MACF1: variants seen among roughly 807,000 people sequenced by gnomAD.
MACF1 encodes microtubule actin crosslinking factor 1, also known as microtubule-actin cross-linking factor 1.
MACF1 carries 193 observed loss-of-function variants against 854.8 expected under a neutral mutation model. The ratio of observed to expected loss-of-function variants is 0.23; its 90% CI spans 0.20 to 0.25. MACF1 has a LOEUF of 0.25. MACF1 is among the 10% of genes least tolerant of loss of function. The pLI, the probability that MACF1 is intolerant of heterozygous loss-of-function variation, is 1.00. For missense variants in MACF1, 7,722 were observed against 8,929.1 expected (o/e 0.86, Z 5.45); for synonymous variants, 3,185 against 3,226.7 (o/e 0.99, Z 0.44).
chr1:39,269,805 T>G (rs1268691296), intron 6 of MACF1: 27 of 1,115,588 alleles, frequency 2.4e-5, no homozygotes, highest in Non-Finnish European at 3.0e-5. Context: ...TGGTGAGCAG[T>G]GAGGATGTTG....
At position 39,334,451 on chromosome 1, in the gene MACF1, C is replaced by T. The variant is rs111708127; in HGVS notation, c.7863C>T (p.Pro2621=). Residue 2621 remains proline, a synonymous_variant, in exon 37 of 101, where the codon CCC becomes CCT. Coordinates refer to ENST00000564288, the MANE Select transcript of MACF1 (RefSeq NM_001394062.1). ...SPGMMHGIVD[P]ENCRIVPYSE... ...GAATGATGCATGGCATTGTAGATCC[C>T]GAGAACTGCAGAATTGTCCCCTACT... 1.0e-3 allele frequency: 1,652 copies of T among 1,613,926 alleles called. 17 individuals are homozygous for T. The African/African-American group carries it at 0.018, about 18-fold the overall frequency.
chr1:39,252,974 C>T (rs191819590), intron 4 of MACF1, among the ~76,000 whole-genome samples: 2 of 152,290 alleles, frequency 1.3e-5, no homozygotes, highest in Non-Finnish European at 2.9e-5. Flanking sequence ...TCTGCAGACA[C>T]CCGCAACAGA....
In MACF1 at chr1:39,334,738, T is replaced by A. The variant is rs1298571966; in HGVS notation, c.8150T>A (p.Met2717Lys). The change falls in exon 37 of 101, where the codon ATG (methionine) becomes AAG (lysine). Residue 2717 changes from methionine (M) to lysine (K), a missense_variant. Physicochemically the swap from Met to Lys is moderately conservative, Grantham distance 95 (BLOSUM62 -1). This residue lies in a region of MACF1 where 1,531 missense variants were observed against 1,601.6 expected (regional missense o/e 0.96). Transcript: ENST00000564288. ...ALEEKLVDEN[M>K]VRIIASHQVL... is the part of the protein sequence containing the mutation. ...GAAGAGAAACTGGTGGATGAAAACA[T>A]GGTCAGAATTATTGCATCTCATCAG... 2 of 1,614,004 alleles carry A rather than the reference T, an allele frequency of 1.2e-6. No homozygotes were observed. Among genetic ancestry groups the A allele is most frequent in the Non-Finnish European group, 1.7e-6 (2 of 1,180,022 alleles).
intron 80 of MACF1, 63 bp downstream of exon 80, chr1:39,444,898 A>C (rs991376327): frequency 7.0e-7 from 1 of 1,424,536 alleles, no homozygotes; most frequent in Non-Finnish European, 9.5e-7. Flanking sequence ...AATAATTGCC[A>C]TCTTATTTAT....
chr1:39,102,666 G>A, intron 2 of MACF1: 1 of 671,428 alleles, frequency 1.5e-6, no homozygotes, highest in Admixed American at 2.2e-5. Flanking sequence ...AGGATAAAGG[G>A]CATTAATTTC....
intron 2 of MACF1, among the ~76,000 whole-genome samples, chr1:39,180,507 C>T (rs1350279004): frequency 2.6e-5 from 4 of 151,856 alleles, no homozygotes; most frequent in Non-Finnish European, 5.9e-5. Flanking sequence ...TTCCAGCTAC[C>T]GGGGAGGCTG....
rs750958736 is a variant in MACF1, at chr1:39,335,934, G to C, written c.9346G>C (p.Glu3116Gln). ...TPRPEGLHYQ[E>Q]SDGKAQVTGP... ...AAGACCTGAAGGATTGCACTACCAG[G>C]AATCAGATGGAAAAGCCCAAGTGAC... The change falls in exon 37 of 101, where the codon GAA becomes CAA. Residue 3116 changes from glutamate to glutamine, a missense_variant. By Grantham distance (29) the Glu-to-Gln change is conservative (BLOSUM62 2). This residue lies in a region of MACF1 where 854 missense variants were observed against 852.6 expected (regional missense o/e 1.00). Transcript: ENST00000564288. The C allele has an allele frequency of 8.7e-6, 14 of 1,613,962 alleles. No individual in the cohort carries two copies. In the African/African-American group the frequency reaches 1.6e-4, roughly 18 times the overall value.
intron 99 of MACF1, 59 bp downstream of exon 99, chr1:39,481,089 T>G (rs1464770560): frequency 1.9e-6 from 2 of 1,026,056 alleles, no homozygotes; most frequent in Non-Finnish European, 3.0e-6. Flanking sequence ...GCTACTGGAC[T>G]TGACCAGCTC....
At chr1:39,309,303 G>A (rs140746926) in intron 23 of MACF1, among the ~76,000 whole-genome samples, 3 of 150,038 alleles carry the variant, frequency 2.0e-5, no homozygotes, top group Non-Finnish European at 4.4e-5. Flanking sequence ...TCACTATGTC[G>A]CCCAGGCTGC....
chr1:39,145,381 T>C (rs888769959), intron 2 of MACF1, among the ~76,000 whole-genome samples: 2 of 152,166 alleles, frequency 1.3e-5, no homozygotes, highest in African/African-American at 4.8e-5. Context: ...CAGAGGCAGG[T>C]CTCTGGGCAT....
chr1:39,436,097 T>C (rs1008279437), intron 70 of MACF1: 6 of 403,180 alleles, frequency 1.5e-5, no homozygotes, highest in East Asian at 4.4e-5. Context: ...AAAGTACTTA[T>C]TGAACCTGTT....
chr1:39,407,406 G>A (rs554691853), intron 58 of MACF1, among the ~76,000 whole-genome samples: 3 of 152,268 alleles, frequency 2.0e-5, no homozygotes, highest in Admixed American at 6.5e-5. Flanking sequence ...GGCAGTATAC[G>A]ACCAAGAGGA....
intron 2 of MACF1, among the ~76,000 whole-genome samples, chr1:39,197,957 G>A (rs144940550): frequency 1.8e-3 from 270 of 152,218 alleles, no homozygotes; most frequent in East Asian, 0.017. Flanking sequence ...CTGCACTTTG[G>A]TAGGCTGAGG....
chr1:39,429,196 T>G, intron 63 of MACF1, 46 bp from the exon 64 acceptor site: 1 of 985,012 alleles, frequency 1.0e-6, no homozygotes, highest in Non-Finnish European at 1.6e-6. Flanking sequence ...TTTTGTTTCA[T>G]TTGTAGTGCC....
At chr1:39,150,035 T>G (rs1219632110) in intron 2 of MACF1, among the ~76,000 whole-genome samples, 1 of 152,038 alleles carries the variant, frequency 6.6e-6, no homozygotes, top group Non-Finnish European at 1.5e-5. Context: ...ATGAACTTTT[T>G]TTTTTTTGGA....
Position 39,125,073 on chromosome 1 carries a change from T to G in MACF1, c.220+40635T>G, listed in dbSNP as rs1316137311. ...CGTCTTTGGGCCTATTTCCTTATTA[T>G]AAAAATGGAGGGATTATCAAACTCA... is the stretch of plus-strand genomic sequence containing the variant. On this transcript the variant is annotated intron_variant, in intron 2 of 93. Coordinates refer to the MACF1 transcript ENST00000361689. Among the ~76,000 whole-genome samples the G allele has an allele frequency of 2.0e-5, 3 of 151,932 alleles. No homozygotes were observed. In the South Asian group the frequency reaches 6.2e-4, roughly 31 times the overall value.
Position 39,340,620 on chromosome 1 carries a change from A to G in MACF1, c.10334A>G (p.Glu3445Gly), listed in dbSNP as rs374556638. ...EVPAQLLKALEKDAKNLQKSL... is the reference protein window; with the variant it reads ...EVPAQLLKALGKDAKNLQKSL... ...CCTGCTCAACTGTTGAAGGCTCTAG[A>G]GAAAGATGCCAAGAATCTTCAGAAG... The change falls in exon 39 of 101, where the codon GAG becomes GGG. Residue 3445 changes from glutamate (E) to glycine (G), a missense_variant. Glu to Gly is a moderately conservative substitution (Grantham distance 98). Around this residue, in one of 15 missense-constraint regions of MACF1, gnomAD observed 854 missense variants for 852.6 expected, o/e 1.00. Transcript: ENST00000564288. The G allele has an allele frequency of 1.9e-6, 3 of 1,614,226 alleles. No individual in the cohort carries two copies. The African/African-American group carries it at 4.0e-5, about 22-fold the overall frequency.
chr1:39,327,340 A>G lies in MACF1; in HGVS notation c.4601A>G (p.Gln1534Arg), dbSNP rs1321035215. Residue 1534 changes from glutamine (Q) to arginine (R), a missense_variant, in exon 36 of 101, where the codon CAG becomes CGG. By Grantham distance (43) the Gln-to-Arg change is conservative. This residue lies in a region of MACF1 where 1,531 missense variants were observed against 1,601.6 expected (regional missense o/e 0.96). Transcript: ENST00000564288. Reference sequence around the variant, plus strand: ...CAGCTTCAGAGCCAGTTGGCTCACCAGACAGAACAAAAGGTACTTTTAGTT... The same window carrying G: ...CAGCTTCAGAGCCAGTTGGCTCACCGGACAGAACAAAAGGTACTTTTAGTT... ...LQQLQSQLAH[Q>R]TEQKECRAVA... 12 of 1,601,512 alleles carry G rather than the reference A, an allele frequency of 7.5e-6. No homozygotes were observed. The highest frequency in any genetic ancestry group is 1.1e-5 in the South Asian group (1 of 90,056).
intron 49 of MACF1, among the ~76,000 whole-genome samples, chr1:39,366,465 A>C (rs1316523131): frequency 1.3e-5 from 2 of 151,724 alleles, no homozygotes; most frequent in Non-Finnish European, 2.9e-5. Context: ...CCTCCCCAGC[A>C]ACTGGGATTA....
Sources: allele counts gnomAD v4.1 joint callset (sites outside exome capture counted in the v4.1 genomes callset), GRCh38; gene constraint gnomAD v4.1.1; regional missense constraint gnomAD v4.1.1; transcripts MANE v1.5; gene names NCBI Gene and HGNC (gene_info 2026-07-23, HGNC 2026-07-21).